The following HCN1 variants were observed in gnomAD, a reference collection of about 807,000 sequenced individuals.
HCN1 encodes the protein potassium/sodium hyperpolarization-activated cyclic nucleotide-gated channel 1.
A neutral mutation model predicts 78.9 loss-of-function variants in HCN1; 13 were observed. The ratio of observed to expected loss-of-function variants is 0.16; its 90% CI spans 0.11 to 0.26. HCN1 has a LOEUF of 0.26. Among genes scored for constraint, HCN1 ranks in the 10% least tolerant of loss-of-function variants. The probability of loss-of-function intolerance (pLI) is 1.00; values close to 1 mark genes in which losing one functional copy is unlikely to be tolerated. For missense variants in HCN1, 810 were observed against 1,154.3 expected, an observed-to-expected ratio of 0.70 and a Z score of 4.32; for synonymous variants, 552 against 455.5, an observed-to-expected ratio of 1.21 and a Z score of -2.70.
intron 2 of HCN1, among the ~76,000 whole-genome samples, chr5:45,570,027 G>C (rs1408753226): frequency 6.6e-6 from 1 of 151,960 alleles, no homozygotes; most frequent in Non-Finnish European, 1.5e-5. Context: ...AAAATTTGTA[G>C]GTATTTGCCA....
At chr5:45,671,003 T>C (rs1746140169) in intron 1 of HCN1, among the ~76,000 whole-genome samples, 1 of 151,760 alleles carries the variant, frequency 6.6e-6, no homozygotes, top group East Asian at 1.9e-4. Context: ...TACAATCAAA[T>C]TATTTTTAAT....
intron 4 of HCN1, among the ~76,000 whole-genome samples, chr5:45,388,737 C>A (rs1347456389): frequency 6.6e-6 from 1 of 152,092 alleles, no homozygotes; most frequent in Non-Finnish European, 1.5e-5. Context: ...CCCACTTACC[C>A]CTCTCATTTC....
chr5:45,456,264 G>GATGC (rs1488950814), intron 3 of HCN1, among the ~76,000 whole-genome samples: 1 of 151,878 alleles, frequency 6.6e-6, no homozygotes, highest in African/African-American at 2.4e-5. Context: ...AATAACTTGA[G>GATGC]ATGCACAAAT....
At chr5:45,341,266 T>C (rs1358528260) in intron 5 of HCN1, among the ~76,000 whole-genome samples, 3 of 152,184 alleles carry the variant, frequency 2.0e-5, no homozygotes, top group Non-Finnish European at 4.4e-5. Context: ...CAACCTGTTT[T>C]TGCCTTATTT....
chr5:45,424,291 TCAAA>T (rs758254993), intron 3 of HCN1, among the ~76,000 whole-genome samples: 121 of 151,468 alleles, frequency 8.0e-4, no homozygotes, highest in Middle Eastern at 3.4e-3. Flanking sequence ...AGACTCCGCC[TCAAA>T]CAAACAAACA....
chr5:45,683,861 G>A (rs994615510), intron 1 of HCN1, among the ~76,000 whole-genome samples: 1 of 151,916 alleles, frequency 6.6e-6, no homozygotes, highest in Admixed American at 6.6e-5. Flanking sequence ...TGTAGAGACG[G>A]GGTCTCGCCA....
Position 45,442,601 on chromosome 5 carries a change from CCA to C in HCN1, c.1011+19243_1011+19244del, listed in dbSNP as rs1404116123. On this transcript the variant is annotated intron_variant, in intron 3 of 7. Transcript: ENST00000303230. ...TGTGTATATATATGTAAGGTAGTTA[CCA>C]TATATAAAATATAATGGCATTTACA... is the stretch of plus-strand genomic sequence containing the variant. Among the ~76,000 whole-genome samples the C allele has an allele frequency of 4.0e-5, 6 of 150,148 alleles. No individual in the cohort carries two copies. The East Asian group carries it at 9.7e-4, about 24-fold the overall frequency.
intron 2 of HCN1, among the ~76,000 whole-genome samples, chr5:45,640,093 T>C (rs1745424035): frequency 6.6e-6 from 1 of 152,304 alleles, no homozygotes; most frequent in Middle Eastern, 3.4e-3. Flanking sequence ...GCAAAGCAAT[T>C]GTGTTGCTCA....
intron 1 of HCN1, among the ~76,000 whole-genome samples, chr5:45,649,299 C>A (rs1184471003): frequency 6.6e-6 from 1 of 151,830 alleles, no homozygotes; most frequent in Non-Finnish European, 1.5e-5. Flanking sequence ...AAAACTTTAA[C>A]TGAGTGTACA....
At chr5:45,313,631 C>T (rs574696920) in intron 5 of HCN1, among the ~76,000 whole-genome samples, 12 of 152,202 alleles carry the variant, frequency 7.9e-5, no homozygotes, top group South Asian at 4.2e-4. Flanking sequence ...AAATATTAGA[C>T]GAATGGCTAA....
chr5:45,495,765 A>G (rs1261821122), intron 2 of HCN1, among the ~76,000 whole-genome samples: 2 of 152,036 alleles, frequency 1.3e-5, no homozygotes, highest in African/African-American at 4.8e-5. Context: ...ATTATTTTGA[A>G]ATACGTCCCA....
chr5:45,468,069 G>A (rs1350733950), intron 2 of HCN1, among the ~76,000 whole-genome samples: 1 of 152,048 alleles, frequency 6.6e-6, no homozygotes, highest in Admixed American at 6.6e-5. Context: ...ATGTTTCATA[G>A]CTACTCTGGG....
chr5:45,437,401 T>C (rs1579894173), intron 3 of HCN1, among the ~76,000 whole-genome samples: 1 of 152,378 alleles, frequency 6.6e-6, no homozygotes, highest in South Asian at 2.1e-4. Flanking sequence ...ATATTTTCTT[T>C]ATAGATAATG....
At chr5:45,693,655 ATCCTGTAAT>A (rs538440631) in intron 1 of HCN1, among the ~76,000 whole-genome samples, 19 of 152,272 alleles carry the variant, frequency 1.2e-4, no homozygotes, top group Admixed American at 1.2e-3. Context: ...AATAAGGAGA[ATCCTGTAAT>A]TCCATTCATT....
At chr5:45,285,981 C>G in intron 6 of HCN1, among the ~76,000 whole-genome samples, 1 of 151,440 alleles carries the variant, frequency 6.6e-6, no homozygotes, top group South Asian at 2.1e-4. Context: ...CAAACACACA[C>G]GGAAAATTTG....
rs538019217 is a variant in HCN1 at position 45,523,225 on chromosome 5, A to G, written c.850-61218T>C. ...ATGGCTGCGTAGTATTCCATAGTGT[A>G]TATGTGCCACATTTTCTTAATCCAG... On this transcript the variant is annotated intron_variant, in intron 2 of 7. Coordinates refer to ENST00000303230, the MANE Select transcript of HCN1 (RefSeq NM_021072.4). 1.6e-3 allele frequency among the ~76,000 whole-genome samples: 244 copies of G among 152,282 alleles called. 7 individuals are homozygous for G. In the South Asian group the frequency reaches 0.05, roughly 31 times the overall value.
At chr5:45,626,463 G>A (rs987663828) in intron 2 of HCN1, among the ~76,000 whole-genome samples, 1 of 152,062 alleles carries the variant, frequency 6.6e-6, no homozygotes, top group Non-Finnish European at 1.5e-5. Context: ...CATCCTACTA[G>A]AGACAGAGTA....
intron 2 of HCN1, among the ~76,000 whole-genome samples, chr5:45,600,011 G>GCTT (rs1744591224): frequency 6.6e-6 from 1 of 152,064 alleles, no homozygotes; most frequent in Non-Finnish European, 1.5e-5. Flanking sequence ...GCACCTATTG[G>GCTT]TTTCAGCAGG....
chr5:45,385,084 T>C (rs1747885679), intron 4 of HCN1, among the ~76,000 whole-genome samples: 1 of 152,190 alleles, frequency 6.6e-6, no homozygotes, highest in Admixed American at 6.5e-5. Context: ...ATTTAAAATG[T>C]CGATATATGC....
Sources: gnomAD v4.1 joint callset for allele counts (sites outside exome capture counted in the v4.1 genomes callset) on GRCh38, gnomAD v4.1.1 for gene constraint, MANE v1.5 for transcripts, NCBI Gene and HGNC (gene_info 2026-07-23, HGNC 2026-07-21) for gene names.